NKAIN2: variants seen among roughly 807,000 people sequenced by gnomAD.
NKAIN2 encodes sodium/potassium-transporting ATPase subunit beta-1-interacting protein 2.
Under a neutral mutation model 32.6 loss-of-function variants are expected in NKAIN2, and 14 were observed. That is an observed-to-expected ratio of 0.43 (90% CI 0.28 to 0.67). The LOEUF (loss-of-function observed/expected upper bound fraction) is 0.67. Among genes scored for constraint, NKAIN2 ranks in the 30% least tolerant of loss-of-function variants. The pLI is 0.17. For missense variants in NKAIN2, 198 were observed against 258.3 expected (o/e 0.77, Z 1.60); for synonymous variants, 80 against 87.2 (o/e 0.92, Z 0.46).
In NKAIN2 at chr6:123,875,262, T is replaced by TA. The variant is rs762039256; in HGVS notation, c.54+71012dup. Among the ~76,000 whole-genome samples, 100 of 152,110 alleles carry TA rather than the reference T, an allele frequency of 6.6e-4. 1 individual carries two copies. The highest frequency in any genetic ancestry group is 3.3e-3 in the South Asian group (16 of 4,822). On this transcript the variant is annotated intron_variant, in intron 1 of 6. Transcript: ENST00000368417. The stretch of plus-strand genomic sequence containing the variant: ...AATTCCTAAAATGGAGTTATTTGGT[T>TA]AAAACGTATGAACATGTAAAGGTTC...
At chr6:124,574,682 A>C (rs1209376631) in intron 3 of NKAIN2, among the ~76,000 whole-genome samples, 2 of 152,082 alleles carry the variant, frequency 1.3e-5, no homozygotes, top group African/African-American at 4.8e-5. Flanking sequence ...TGGCAAATCT[A>C]TGGACTTCAG....
intron 3 of NKAIN2, among the ~76,000 whole-genome samples, chr6:124,574,902 A>G (rs1199805687): frequency 6.6e-6 from 1 of 152,198 alleles, no homozygotes; most frequent in African/African-American, 2.4e-5. Flanking sequence ...TGTAAGATGT[A>G]CTGGGTTATA....
chr6:124,475,078 T>C (rs1777146034), intron 3 of NKAIN2, among the ~76,000 whole-genome samples: 1 of 151,854 alleles, frequency 6.6e-6, no homozygotes, highest in Non-Finnish European at 1.5e-5. Flanking sequence ...TAGATCATTC[T>C]AGAGCTAAAC....
At chr6:123,919,963 A>G (rs1265350271) in intron 1 of NKAIN2, among the ~76,000 whole-genome samples, 1 of 152,136 alleles carries the variant, frequency 6.6e-6, no homozygotes, top group Non-Finnish European at 1.5e-5. Flanking sequence ...GCATTTTTCA[A>G]CTTGCAGCAT....
At chr6:123,890,486 C>G (rs1773952479) in intron 1 of NKAIN2, among the ~76,000 whole-genome samples, 1 of 151,882 alleles carries the variant, frequency 6.6e-6, no homozygotes, top group Non-Finnish European at 1.5e-5. Flanking sequence ...CCACCGAGAG[C>G]TGGTAATGCA....
chr6:124,792,298 C>A (rs910826322), intron 5 of NKAIN2, among the ~76,000 whole-genome samples: 3 of 152,068 alleles, frequency 2.0e-5, no homozygotes, highest in Admixed American at 1.3e-4. Context: ...AGATAAATAT[C>A]TGTTTCTTCT....
At chr6:123,958,615 T>C (rs961063358) in intron 1 of NKAIN2, among the ~76,000 whole-genome samples, 1 of 152,246 alleles carries the variant, frequency 6.6e-6, no homozygotes, top group Non-Finnish European at 1.5e-5. Flanking sequence ...CTTTTAATAC[T>C]TGCACATTGG....
intron 1 of NKAIN2, among the ~76,000 whole-genome samples, chr6:123,927,984 G>A (rs1776079959): frequency 6.6e-6 from 1 of 152,002 alleles, no homozygotes; most frequent in Admixed American, 6.6e-5. Flanking sequence ...AAGCTTGGTT[G>A]GTTTCATAAC....
At chr6:124,699,623 A>G (rs1583668623) in intron 4 of NKAIN2, among the ~76,000 whole-genome samples, 1 of 151,524 alleles carries the variant, frequency 6.6e-6, no homozygotes. Flanking sequence ...CACCTTCCCC[A>G]CTCTCTTGCT....
chr6:123,916,355 C>G (rs180760450), intron 1 of NKAIN2, among the ~76,000 whole-genome samples: 2 of 152,170 alleles, frequency 1.3e-5, no homozygotes, highest in South Asian at 2.1e-4. Context: ...CTGGTTCAAA[C>G]GATTCTCCTG....
chr6:124,204,082 G>A (rs1000009277), intron 1 of NKAIN2, among the ~76,000 whole-genome samples: 1 of 151,458 alleles, frequency 6.6e-6, no homozygotes, highest in Non-Finnish European at 1.5e-5. Context: ...TTACTTTTTG[G>A]GCCAGCATCC....
chr6:124,497,697 A>G (rs1002540683), intron 3 of NKAIN2, among the ~76,000 whole-genome samples: 4 of 151,902 alleles, frequency 2.6e-5, no homozygotes, highest in African/African-American at 9.7e-5. Flanking sequence ...TTTATTTTTC[A>G]TTTCTCATTG....
intron 1 of NKAIN2, among the ~76,000 whole-genome samples, chr6:124,158,442 G>C (rs767763646): frequency 6.6e-6 from 1 of 152,136 alleles, no homozygotes; most frequent in Non-Finnish European, 1.5e-5. Flanking sequence ...CTGAAAAGTG[G>C]AACGAAGCAA....
intron 1 of NKAIN2, among the ~76,000 whole-genome samples, chr6:124,151,875 G>A (rs918610233): frequency 1.3e-5 from 2 of 151,804 alleles, no homozygotes; most frequent in African/African-American, 2.4e-5. Flanking sequence ...ATTTAAAAAT[G>A]TATTTATATA....
chr6:124,443,870 C>T (rs1775789156), intron 3 of NKAIN2, among the ~76,000 whole-genome samples: 1 of 151,952 alleles, frequency 6.6e-6, no homozygotes, highest in Non-Finnish European at 1.5e-5. Context: ...TCATTTTCTT[C>T]TTTGTGTTCT....
chr6:124,098,936 T>TA (rs1784759268), intron 1 of NKAIN2, among the ~76,000 whole-genome samples: 1 of 151,978 alleles, frequency 6.6e-6, no homozygotes, highest in African/African-American at 2.4e-5. Flanking sequence ...GCATTATATT[T>TA]AAAAAATAAG....
At chr6:123,883,372 C>T (rs1353536760) in intron 1 of NKAIN2, among the ~76,000 whole-genome samples, 2 of 152,102 alleles carry the variant, frequency 1.3e-5, no homozygotes, top group African/African-American at 2.4e-5. Context: ...GTCTCGATCT[C>T]CTGACCTCGT....
chr6:124,726,274 G>T (rs1236679768), intron 4 of NKAIN2, among the ~76,000 whole-genome samples: 1 of 152,202 alleles, frequency 6.6e-6, no homozygotes, highest in Non-Finnish European at 1.5e-5. Flanking sequence ...CAAACAAAAA[G>T]ACAGCAGTAA....
In NKAIN2 at chr6:124,648,483, G is replaced by A. The variant is rs1308796588; in HGVS notation, c.274-9703G>A. On this transcript the variant is annotated intron_variant, in intron 3 of 6. Coordinates refer to ENST00000368417, the MANE Select transcript of NKAIN2 (RefSeq NM_001040214.3). ...ATATTGAGGAAGAAATCTCTTTAAA[G>A]TTTAGTCGAGCTGATAGGAACATTA... Among the ~76,000 whole-genome samples the A allele has an allele frequency of 2.0e-5, 3 of 152,158 alleles. No individual in the cohort carries two copies. In the East Asian group the frequency reaches 5.8e-4, roughly 29 times the overall value.
Sources: gnomAD v4.1 joint callset for allele counts (sites outside exome capture counted in the v4.1 genomes callset) on GRCh38, gnomAD v4.1.1 for gene constraint, MANE v1.5 for transcripts, NCBI Gene and HGNC (gene_info 2026-07-23, HGNC 2026-07-21) for gene names.